NKAIN3: variants seen among roughly 807,000 people sequenced by gnomAD.
NKAIN3 encodes the protein sodium/potassium-transporting ATPase subunit beta-1-interacting protein 3.
In NKAIN3, 25 loss-of-function variants were observed where a neutral mutation model predicts 30.2. The ratio of observed to expected loss-of-function variants is 0.83; its 90% CI spans 0.60 to 1.16. The LOEUF is 1.16. NKAIN3 is among the 50% of genes most tolerant of loss of function. NKAIN3 has a pLI of 0.00. For missense variants in NKAIN3, 225 were observed against 254.1 expected (o/e 0.89, Z 0.78); for synonymous variants, 91 against 89.6 (o/e 1.02, Z -0.09).
chr8:62,874,209 C>T (rs543035605), intron 4 of NKAIN3, among the ~76,000 whole-genome samples: 28 of 152,108 alleles, frequency 1.8e-4, no homozygotes, highest in South Asian at 4.2e-4. Flanking sequence ...AACACCTCTA[C>T]GCAAATAAAC....
In NKAIN3 at chr8:62,983,505, T is replaced by C. The variant is rs1468612467; in HGVS notation, c.*18098T>C. 6.6e-6 allele frequency: 1 copy of C among 152,172 alleles called. No homozygotes were observed. The highest frequency in any genetic ancestry group is 2.1e-4 in the South Asian group (1 of 4,830). 9.4% of individuals were successfully genotyped at this position (152,172 alleles called of 1,614,324 possible). Reference sequence around the variant, plus strand: ...CTTGTGCAAAAAGCTTGGGGAGTGATAAAAACAAATCAAATTCACATTTTA... The same window carrying C: ...CTTGTGCAAAAAGCTTGGGGAGTGACAAAAACAAATCAAATTCACATTTTA... On this transcript the variant is annotated 3_prime_UTR_variant, in exon 7 of 7. Coordinates refer to ENST00000623646, the MANE Select transcript of NKAIN3 (RefSeq NM_001304533.3).
chr8:62,678,563 T>A (rs1813550877), intron 3 of NKAIN3, among the ~76,000 whole-genome samples: 1 of 151,944 alleles, frequency 6.6e-6, no homozygotes, highest in African/African-American at 2.4e-5. Context: ...ATGGCCCAAG[T>A]CACCAAGATG....
chr8:62,713,337 C>A (rs529263341), intron 3 of NKAIN3, among the ~76,000 whole-genome samples: 1 of 152,194 alleles, frequency 6.6e-6, no homozygotes, highest in Non-Finnish European at 1.5e-5. Flanking sequence ...ATATTTTAAA[C>A]ACATCCAAAA....
intron 4 of NKAIN3, among the ~76,000 whole-genome samples, chr8:62,837,507 C>T (rs1478189689): frequency 6.6e-6 from 1 of 152,108 alleles, no homozygotes; most frequent in Non-Finnish European, 1.5e-5. Context: ...TTTTATTCTT[C>T]ACATGAAAAC....
At chr8:62,691,018 G>T (rs769633670) in intron 3 of NKAIN3, among the ~76,000 whole-genome samples, 3 of 152,110 alleles carry the variant, frequency 2.0e-5, no homozygotes, top group African/African-American at 7.2e-5. Context: ...GTTCGTATCA[G>T]GGCTATAATC....
chr8:62,863,359 G>A (rs1228325150), intron 4 of NKAIN3: 4 of 1,546,004 alleles, frequency 2.6e-6, no homozygotes, highest in Admixed American at 1.9e-5. Context: ...CTCAGCTGCC[G>A]TTCTTCTCAC....
intron 3 of NKAIN3, among the ~76,000 whole-genome samples, chr8:62,728,945 A>C (rs1420472581): frequency 7.3e-4 from 108 of 147,870 alleles, no homozygotes; most frequent in African/African-American, 2.6e-3. Context: ...AGCCGAGATC[A>C]CGCCACTGCA....
chr8:62,631,165 A>G (rs984157465), intron 3 of NKAIN3, among the ~76,000 whole-genome samples: 3 of 152,220 alleles, frequency 2.0e-5, no homozygotes, highest in African/African-American at 7.2e-5. Context: ...AGGATTAGAA[A>G]CTTTTGACCA....
chr8:62,855,697 T>G, intron 4 of NKAIN3: 1 of 1,596,494 alleles, frequency 6.3e-7, no homozygotes, highest in South Asian at 1.1e-5. Flanking sequence ...CACTTCTGCA[T>G]GTGAAGCGGA....
intron 1 of NKAIN3, among the ~76,000 whole-genome samples, chr8:62,420,968 A>C (rs1324645220): frequency 6.6e-6 from 1 of 152,220 alleles, no homozygotes; most frequent in Non-Finnish European, 1.5e-5. Context: ...GAAAACTTTA[A>C]AAAATTTACT....
chr8:62,924,304 C>T (rs560481414), intron 5 of NKAIN3, among the ~76,000 whole-genome samples: 12 of 152,272 alleles, frequency 7.9e-5, no homozygotes, highest in East Asian at 3.9e-4. Context: ...GTTGAAGATA[C>T]GGATGATATA....
At chr8:62,743,611 C>A (rs114796579) in intron 3 of NKAIN3, among the ~76,000 whole-genome samples, 2,081 of 152,262 alleles carry the variant, frequency 0.014, 43 homozygotes, top group African/African-American at 0.049. Context: ...CATGGTGGCT[C>A]ATGGTCCTAG....
chr8:62,702,265 T>C (rs1438117321), intron 3 of NKAIN3, among the ~76,000 whole-genome samples: 1 of 152,202 alleles, frequency 6.6e-6, no homozygotes, highest in Non-Finnish European at 1.5e-5. Context: ...GTCATGTGTA[T>C]TATATTTGAC....
chr8:62,419,248 A>G (rs1804556061), intron 1 of NKAIN3, among the ~76,000 whole-genome samples: 1 of 152,206 alleles, frequency 6.6e-6, no homozygotes, highest in Admixed American at 6.5e-5. Flanking sequence ...GGCTGACTGC[A>G]TGTGGGTGAT....
At chr8:62,474,020 T>C (rs1410795636) in intron 1 of NKAIN3, 1 of 152,208 alleles carries the variant, frequency 6.6e-6, no homozygotes, top group Admixed American at 6.5e-5. Flanking sequence ...TCTGAACTCT[T>C]GAGAGACTTG....
At chr8:62,486,788 G>C (rs1806918275) in intron 1 of NKAIN3, among the ~76,000 whole-genome samples, 2 of 152,114 alleles carry the variant, frequency 1.3e-5, no homozygotes, top group Admixed American at 1.3e-4. Context: ...AATGGCAACT[G>C]GCAACAACTT....
At chr8:62,279,010 T>C (rs1331633680) in intron 1 of NKAIN3, among the ~76,000 whole-genome samples, 1 of 152,184 alleles carries the variant, frequency 6.6e-6, no homozygotes, top group African/African-American at 2.4e-5. Context: ...GTAAAAGCTT[T>C]CCTATTCTCC....
At position 62,855,379 on chromosome 8, in the gene NKAIN3, C is replaced by G. The variant is rs901908720; in HGVS notation, c.472-63074C>G. The G allele has an allele frequency of 6.5e-6, 5 of 764,946 alleles. No individual in the cohort carries two copies. The South Asian group carries it at 7.3e-5, about 11-fold the overall frequency. The allele number at this position is 764,946 out of a possible 1,614,324, so 47.4% of individuals were successfully genotyped here. ...GCCCATATGCCTCTTTCAGCATGGG[C>G]ACAGTGAAATTGCCCAGCATGCCCT... is the stretch of plus-strand genomic sequence containing the variant. On this transcript the variant is annotated intron_variant, in intron 4 of 6. Coordinates refer to ENST00000623646, the MANE Select transcript of NKAIN3 (RefSeq NM_001304533.3).
intron 5 of NKAIN3, among the ~76,000 whole-genome samples, chr8:62,938,900 G>A (rs890836171): frequency 1.3e-5 from 2 of 152,138 alleles, no homozygotes; most frequent in South Asian, 2.1e-4. Flanking sequence ...AAACCAACAA[G>A]AAATATCTGT....
Sources: allele counts gnomAD v4.1 joint callset (sites outside exome capture counted in the v4.1 genomes callset), GRCh38; gene constraint gnomAD v4.1.1; transcripts MANE v1.5; gene names NCBI Gene and HGNC (gene_info 2026-07-23, HGNC 2026-07-21).